The following CASD1 variants were observed in gnomAD, a reference collection of about 807,000 sequenced individuals.
CASD1 encodes N-acetylneuraminate (7)9-O-acetyltransferase.
A neutral mutation model predicts 100.0 loss-of-function variants in CASD1; 41 were observed. The observed-to-expected ratio is 0.41, with a 90% CI of 0.32 to 0.53. The LOEUF is 0.53. CASD1 is among the 20% of genes least tolerant of loss of function. The pLI is 0.25. For missense variants in CASD1, 774 were observed against 948.7 expected (o/e 0.82, Z 2.42); for synonymous variants, 321 against 315.6 (o/e 1.02, Z -0.18).
chr7:94,581,172 T>A, the CASD1 span, among the ~76,000 whole-genome samples: 1 of 152,180 alleles, frequency 6.6e-6, no homozygotes, highest in African/African-American at 2.4e-5. Context: ...AAATTAGAAA[T>A]TGCTTGGTGC....
At chr7:94,622,485 C>T in the CASD1 span, 2 of 151,948 alleles carry the variant, frequency 1.3e-5, no homozygotes, top group African/African-American at 4.8e-5. Context: ...AAAAATTAGC[C>T]GGGTGTGGTG....
At chr7:94,604,859 A>ATATATATATATAT in the CASD1 span, among the ~76,000 whole-genome samples, 6 of 109,598 alleles carry the variant, frequency 5.5e-5, no homozygotes, top group Non-Finnish European at 5.6e-5. Context: ...ATATATATAT[A>ATATATATATATAT]ATAGTTGTTA....
intron 3 of CASD1, among the ~76,000 whole-genome samples, chr7:94,525,459 C>A (rs1794515655): frequency 6.6e-6 from 1 of 152,110 alleles, no homozygotes; most frequent in Admixed American, 6.5e-5. Flanking sequence ...ATCATGGATT[C>A]ATGAGTGTTG....
the CASD1 span, chr7:94,624,159 C>T: frequency 5.0e-4 from 158 of 315,248 alleles, 1 homozygote; most frequent in East Asian, 6.2e-3. Flanking sequence ...ATCTGCAGTA[C>T]CTCAAAAAAA....
intron 7 of CASD1, among the ~76,000 whole-genome samples, chr7:94,534,729 A>G (rs1795034512): frequency 6.6e-6 from 1 of 152,182 alleles, no homozygotes; most frequent in South Asian, 2.1e-4. Flanking sequence ...GGAATAAGAA[A>G]AAGGGTAGTG....
intron 4 of CASD1, among the ~76,000 whole-genome samples, chr7:94,527,531 C>CT (rs199979588): frequency 0.039 from 5,886 of 152,128 alleles, 364 homozygotes; most frequent in African/African-American, 0.13. Flanking sequence ...GATTGCAGGT[C>CT]TTTATAGTTC....
At chr7:94,561,941 T>TAA (rs1796345888), downstream of CASD1, among the ~76,000 whole-genome samples, 1 of 152,172 alleles carries the variant, frequency 6.6e-6, no homozygotes, top group Non-Finnish European at 1.5e-5. Context: ...CTTCCTGACT[T>TAA]ACCCCTAGAA....
At chr7:94,543,705 C>CACAT (rs1277738649) in intron 10 of CASD1, among the ~76,000 whole-genome samples, 1 of 150,230 alleles carries the variant, frequency 6.7e-6, no homozygotes, top group African/African-American at 2.4e-5. Context: ...TGTGATTGTA[C>CACAT]ACATAAAGGA....
At chr7:94,583,329 C>T in the CASD1 span, among the ~76,000 whole-genome samples, 6 of 152,092 alleles carry the variant, frequency 3.9e-5, no homozygotes, top group Non-Finnish European at 8.8e-5. Context: ...ATCAACAATT[C>T]CTTGTTGCTC....
At position 94,556,648 on chromosome 7, in the gene CASD1, A is replaced by C. The variant is rs1160852286; in HGVS notation, c.*890A>C. 3 of 151,960 alleles carry C rather than the reference A, an allele frequency of 2.0e-5. No individual in the cohort carries two copies. The highest frequency in any genetic ancestry group is 4.4e-5 in the Non-Finnish European group (3 of 67,904). The allele number at this position is 151,960 out of a possible 1,614,324, so 9.4% of individuals were successfully genotyped here. ...TTCCTATTACCCACCTCCTATTTTAAATATTTATCAGTCTAAACTTGTGCA... is the reference window on the plus strand; with the variant it reads ...TTCCTATTACCCACCTCCTATTTTACATATTTATCAGTCTAAACTTGTGCA... On this transcript the variant is annotated 3_prime_UTR_variant, in exon 18 of 18. Transcript: ENST00000297273.
Position 94,533,696 on chromosome 7 carries a change from C to A in CASD1, c.522C>A (p.His174Gln). 6.3e-7 allele frequency: 1 copy of A among 1,598,636 alleles called. No homozygotes were observed. The highest frequency in any genetic ancestry group is 8.5e-7 in the Non-Finnish European group (1 of 1,173,186). The change falls in exon 7 of 18, where the codon CAC (histidine) becomes CAA (glutamine). Residue 174 changes from histidine to glutamine, a missense_variant. By Grantham distance (24) the His-to-Gln change is conservative. Coordinates refer to ENST00000297273, the MANE Select transcript of CASD1 (RefSeq NM_022900.5). The part of the protein sequence containing the change: ...AGAATWSIKI[H>Q]NGSSEALSQY... ...CTTTTTAGTGGTCCATCAAGATTCACAATGGTAGCAGTGAAGCGCTTTCTC... is the reference window on the plus strand; with the variant it reads ...CTTTTTAGTGGTCCATCAAGATTCAAAATGGTAGCAGTGAAGCGCTTTCTC...
the CASD1 span, among the ~76,000 whole-genome samples, chr7:94,570,364 T>C: frequency 6.6e-6 from 1 of 152,332 alleles, no homozygotes; most frequent in African/African-American, 2.4e-5. Context: ...ATCCTAAATT[T>C]GAATTGATAA....
chr7:94,585,125 T>C, the CASD1 span: 1 of 188,208 alleles, frequency 5.3e-6, no homozygotes, highest in African/African-American at 2.3e-5. Flanking sequence ...CACTAAAGTC[T>C]TGTGGAATGA....
At chr7:94,610,221 G>A in the CASD1 span, among the ~76,000 whole-genome samples, 1 of 152,152 alleles carries the variant, frequency 6.6e-6, no homozygotes, top group Non-Finnish European at 1.5e-5. Context: ...GGATGAACAG[G>A]TGGGACATAG....
intron 3 of CASD1, among the ~76,000 whole-genome samples, chr7:94,521,192 A>C (rs1794249552): frequency 6.6e-6 from 1 of 152,208 alleles, no homozygotes; most frequent in Non-Finnish European, 1.5e-5. Flanking sequence ...GAGATGTATT[A>C]TAGGACATTC....
At chr7:94,615,204 C>CA in the CASD1 span, among the ~76,000 whole-genome samples, 2 of 152,040 alleles carry the variant, frequency 1.3e-5, no homozygotes, top group South Asian at 4.2e-4. Context: ...ACTGAAAATA[C>CA]AAAAATTAGC....
At chr7:94,573,681 T>C in the CASD1 span, among the ~76,000 whole-genome samples, 8 of 152,310 alleles carry the variant, frequency 5.3e-5, no homozygotes, top group African/African-American at 1.9e-4. Flanking sequence ...GCAAACAGAA[T>C]AGTTTGATAT....
the CASD1 span, among the ~76,000 whole-genome samples, chr7:94,605,412 C>T: frequency 6.6e-6 from 1 of 150,804 alleles, no homozygotes; most frequent in African/African-American, 2.4e-5. Context: ...TAACAGATAA[C>T]TTGTTTAAAA....
chr7:94,588,089 A>G, the CASD1 span: 1 of 1,229,588 alleles, frequency 8.1e-7, no homozygotes, highest in Non-Finnish European at 1.0e-6. Flanking sequence ...TACTCAGTAT[A>G]GAGATGAATG....
Sources: gnomAD v4.1 joint callset for allele counts (sites outside exome capture counted in the v4.1 genomes callset) on GRCh38, gnomAD v4.1.1 for gene constraint, MANE v1.5 for transcripts, NCBI Gene and HGNC (gene_info 2026-07-23, HGNC 2026-07-21) for gene names.